CERS6: variants seen among roughly 807,000 people sequenced by gnomAD.
CERS6 encodes the protein LAG1 homolog, ceramide synthase 6.
A neutral mutation model predicts 56.8 loss-of-function variants in CERS6; 26 were observed. The observed-to-expected ratio is 0.46, with a 90% CI of 0.34 to 0.63. The LOEUF is 0.63. Among genes scored for constraint, CERS6 ranks in the 30% least tolerant of loss-of-function variants. The pLI is 0.01. For synonymous variants in CERS6, 164 were observed against 173.3 expected (o/e 0.95, Z 0.42); for missense variants, 415 against 467.5 (o/e 0.89, Z 1.04).
At chr2:168,528,604 C>A (rs1695111360) in intron 1 of CERS6, among the ~76,000 whole-genome samples, 1 of 149,984 alleles carries the variant, frequency 6.7e-6, no homozygotes, top group Non-Finnish European at 1.5e-5. Context: ...ACAGATATTG[C>A]CCAGTGCTGA....
intron 9 of CERS6, 95 bp downstream of exon 9, chr2:168,765,843 A>AT (rs1684718271): frequency 8.8e-7 from 1 of 1,138,066 alleles, no homozygotes. Context: ...TTTCATCAAA[A>AT]TTGGTAGTAT....
chr2:168,765,468 C>A, intron 8 of CERS6, 124 bp from the exon 9 acceptor site: 1 of 909,932 alleles, frequency 1.1e-6, no homozygotes, highest in Non-Finnish European at 1.6e-6. Context: ...GCTTTCACAC[C>A]ATCCTGCCAG....
intron 1 of CERS6, among the ~76,000 whole-genome samples, chr2:168,544,977 G>A (rs1695437457): frequency 6.6e-6 from 1 of 151,840 alleles, no homozygotes; most frequent in African/African-American, 2.4e-5. Flanking sequence ...GTGAGCCGCT[G>A]GGCCCAGGAA....
At chr2:168,490,726 A>C (rs1414654711) in intron 1 of CERS6, among the ~76,000 whole-genome samples, 1 of 152,172 alleles carries the variant, frequency 6.6e-6, no homozygotes, top group Admixed American at 6.6e-5. Context: ...AAAGCGAGAG[A>C]GAGAGAGAGG....
intron 1 of CERS6, among the ~76,000 whole-genome samples, chr2:168,543,112 T>C (rs141164542): frequency 7.2e-4 from 110 of 152,346 alleles, no homozygotes; most frequent in African/African-American, 2.3e-3. Flanking sequence ...CCAAATAGAA[T>C]TGAAAAGTAG....
chr2:168,746,545 TG>T (rs1317647451), intron 8 of CERS6, among the ~76,000 whole-genome samples: 1 of 151,548 alleles, frequency 6.6e-6, no homozygotes, highest in Non-Finnish European at 1.5e-5. Flanking sequence ...GGTATTTTTC[TG>T]CTTGACTTTG....
intron 3 of CERS6, among the ~76,000 whole-genome samples, chr2:168,578,718 TC>T (rs1449233332): frequency 2.0e-5 from 3 of 152,146 alleles, no homozygotes; most frequent in African/African-American, 7.2e-5. Context: ...GTGTTTTAGA[TC>T]CAGGTTTCTT....
chr2:168,525,135 T>A (rs917718517), intron 1 of CERS6, among the ~76,000 whole-genome samples: 6 of 152,158 alleles, frequency 3.9e-5, no homozygotes, highest in Admixed American at 3.9e-4. Flanking sequence ...TGGGCTGCTT[T>A]AGAGAATTCC....
intron 8 of CERS6, among the ~76,000 whole-genome samples, chr2:168,727,823 G>A (rs773514233): frequency 6.6e-6 from 1 of 152,220 alleles, no homozygotes; most frequent in Non-Finnish European, 1.5e-5. Flanking sequence ...GCTGGTCTAT[G>A]TTAAATATAT....
intron 6 of CERS6, among the ~76,000 whole-genome samples, chr2:168,712,802 G>T (rs1250441399): frequency 1.3e-5 from 2 of 151,712 alleles, no homozygotes; most frequent in Non-Finnish European, 2.9e-5. Flanking sequence ...CCTTTGCCTT[G>T]GTTGTTTTCT....
At chr2:168,610,973 A>G (rs1186955820) in intron 3 of CERS6, among the ~76,000 whole-genome samples, 2 of 152,018 alleles carry the variant, frequency 1.3e-5, no homozygotes, top group African/African-American at 4.8e-5. Flanking sequence ...ATACCTGGCT[A>G]ATTTTTTGTA....
intron 8 of CERS6, among the ~76,000 whole-genome samples, chr2:168,751,657 C>T (rs1156634050): frequency 2.0e-5 from 3 of 152,192 alleles, no homozygotes; most frequent in Non-Finnish European, 2.9e-5. Context: ...AACCATCCCA[C>T]AGTTTCCATA....
At chr2:168,652,227 A>G (rs1227980797) in intron 4 of CERS6, among the ~76,000 whole-genome samples, 3 of 152,158 alleles carry the variant, frequency 2.0e-5, no homozygotes, top group African/African-American at 4.8e-5. Context: ...CAGAAGCTTC[A>G]CTAATTTCAT....
intron 4 of CERS6, among the ~76,000 whole-genome samples, chr2:168,636,149 A>G (rs2105301686): frequency 6.6e-6 from 1 of 152,268 alleles, no homozygotes; most frequent in East Asian, 1.9e-4. Context: ...GATATATAAT[A>G]CTAACATTGG....
At chr2:168,678,719 C>A (rs903138667) in intron 4 of CERS6, among the ~76,000 whole-genome samples, 9 of 152,096 alleles carry the variant, frequency 5.9e-5, no homozygotes, top group Admixed American at 6.5e-5. Flanking sequence ...TTAGACAGAC[C>A]TTTGTATTAG....
intron 3 of CERS6, among the ~76,000 whole-genome samples, chr2:168,628,416 A>G (rs558848560): frequency 2.6e-5 from 4 of 152,304 alleles, no homozygotes; most frequent in African/African-American, 9.6e-5. Context: ...AAAGTTTCAT[A>G]TAAAGCAGCT....
chr2:168,645,142 T>TATAGAGAG (rs753700977), intron 4 of CERS6, among the ~76,000 whole-genome samples: 3 of 12,744 alleles, frequency 2.4e-4, no homozygotes, highest in Non-Finnish European at 4.4e-4. Flanking sequence ...TATATATATA[T>TATAGAGAG]AGAGAGAGAG....
chr2:168,477,682 G>T (rs1329198858), intron 1 of CERS6, among the ~76,000 whole-genome samples: 1 of 152,114 alleles, frequency 6.6e-6, no homozygotes, highest in Non-Finnish European at 1.5e-5. Context: ...AAGTGGCTGG[G>T]TCTGTTTGAA....
At chr2:168,608,427 G>A (rs1563084) in intron 3 of CERS6, among the ~76,000 whole-genome samples, 63 of 152,184 alleles carry the variant, frequency 4.1e-4, no homozygotes, top group African/African-American at 1.4e-3. Flanking sequence ...TTCACATTTA[G>A]AGATATGAAA....
Sources: allele counts gnomAD v4.1 joint callset (sites outside exome capture counted in the v4.1 genomes callset), GRCh38; gene constraint gnomAD v4.1.1; transcripts MANE v1.5; gene names NCBI Gene and HGNC (gene_info 2026-07-23, HGNC 2026-07-21).